The following ZNF705G variants were observed in gnomAD, a reference collection of about 807,000 sequenced individuals.
ZNF705G encodes zinc finger protein 705G, also known as putative zinc finger protein 705G.
ZNF705G carries 23 observed loss-of-function variants against 19.6 expected under a neutral mutation model. The observed-to-expected ratio is 1.17, with a 90% confidence interval of 0.84 to 1.66. The LOEUF (loss-of-function observed/expected upper bound fraction) is 1.66, where lower values mean the gene tolerates loss of function less well. Among genes scored for constraint, ZNF705G ranks in the 40% most tolerant of loss-of-function variants. The probability of loss-of-function intolerance (pLI) is 0.00; values close to 1 mark genes in which losing one functional copy is unlikely to be tolerated. For synonymous variants in ZNF705G, 146 were observed against 117.7 expected, an observed-to-expected ratio of 1.24 and a Z score of -1.56; for missense variants, 457 against 354.4, an observed-to-expected ratio of 1.29 and a Z score of -2.32.
Position 7,371,241 on chromosome 8 carries a change from T to C in ZNF705G, c.-71-8224A>G, listed in dbSNP as rs1261711415. ...AATGACAATTACTATATGATTTCAC[T>C]TGTATTTGAAATCTAAAATCGACAA... On this transcript the variant is annotated intron_variant, in intron 2 of 6. Transcript: ENST00000400156. 2.0e-5 allele frequency among the ~76,000 whole-genome samples: 2 copies of C among 102,490 alleles called. 1 individual carries two copies. The highest frequency in any genetic ancestry group is 4.3e-5 in the Non-Finnish European group (2 of 46,050). 67.2% of individuals were successfully genotyped at this position (102,490 alleles called of 152,430 possible). A position where few individuals can be genotyped will look rare whatever the true frequency, so the allele number is the denominator to read the frequency against.
At chr8:7,368,717 C>T (rs1257540918) in intron 2 of ZNF705G, among the ~76,000 whole-genome samples, 1 of 149,682 alleles carries the variant, frequency 6.7e-6, no homozygotes, top group Non-Finnish European at 1.5e-5. Context: ...GGCCTGGAGG[C>T]CTAGGAGGGA....
intron 2 of ZNF705G, among the ~76,000 whole-genome samples, chr8:7,376,455 C>T (rs1264013966): frequency 9.7e-5 from 11 of 113,046 alleles, no homozygotes; most frequent in Admixed American, 4.9e-4. Flanking sequence ...GGAAAAGGTG[C>T]TCTGTGTTAC....
At position 7,360,332 on chromosome 8, in the gene ZNF705G, C is replaced by G. The variant is rs1434974132; in HGVS notation, c.140G>C (p.Gly47Ala). Residue 47 changes from glycine (G) to alanine (A), a missense_variant and splice_region_variant, in exon 5 of 7, where the codon GGG becomes GCG. Transcript: ENST00000400156. ...LENISHLVSLGYQISKSYIIL... is the reference protein window; with the variant it reads ...LENISHLVSLAYQISKSYIIL... ...TATATAGGATTTGCTTATCTGGTAC[C>G]CTGTTAGTGGAAAGAATACATGTGT... The G allele has an allele frequency of 6.3e-7, 1 of 1,588,522 alleles. No homozygotes were observed. Among genetic ancestry groups the G allele is most frequent in the Admixed American group, 1.7e-5 (1 of 59,870 alleles).
At position 7,357,874 on chromosome 8, in the gene ZNF705G, A is replaced by T; in HGVS notation, c.*102T>A. 1 of 1,545,084 alleles carries T rather than the reference A, an allele frequency of 6.5e-7. No individual in the cohort carries two copies. Among genetic ancestry groups the T allele is most frequent in the Non-Finnish European group, 8.7e-7 (1 of 1,150,884 alleles). On this transcript the variant is annotated 3_prime_UTR_variant, in exon 7 of 7. Transcript: ENST00000400156. The stretch of plus-strand genomic sequence containing the variant: ...TGAAGAAGTTTATAATTTTCTCTCC[A>T]GGGTGAATTTTCTGATGCTCTTTAA...
At chr8:7,363,453 C>T (rs1393550761) in intron 2 of ZNF705G, among the ~76,000 whole-genome samples, 1 of 148,976 alleles carries the variant, frequency 6.7e-6, no homozygotes, top group Non-Finnish European at 1.5e-5. Flanking sequence ...CCTTCTGAAG[C>T]CTTACTCCAC....
Position 7,357,026 on chromosome 8 carries a change from T to G in ZNF705G, c.*950A>C, listed in dbSNP as rs1806303271. ...AGGGGTCCAACTTCTTGACTCACTTTTCTGATGAGAAATCTATCAGGTTTC... is the reference window on the plus strand; with the variant it reads ...AGGGGTCCAACTTCTTGACTCACTTGTCTGATGAGAAATCTATCAGGTTTC... On this transcript the variant is annotated 3_prime_UTR_variant, in exon 7 of 7. Coordinates refer to ENST00000400156, the MANE Select transcript of ZNF705G (RefSeq NM_001164457.3). 1 of 149,938 alleles carries G rather than the reference T, an allele frequency of 6.7e-6. No individual in the cohort carries two copies. The highest frequency in any genetic ancestry group is 2.5e-5 in the African/African-American group (1 of 39,236). The allele number at this position is 149,938 out of a possible 1,614,324, so 9.3% of individuals were successfully genotyped here.
At chr8:7,382,025 G>A (rs903640120) in intron 1 of ZNF705G, among the ~76,000 whole-genome samples, 5 of 152,186 alleles carry the variant, frequency 3.3e-5, no homozygotes, top group African/African-American at 1.2e-4. Context: ...CTACATGTAT[G>A]TGGCTAAGCA....
At chr8:7,381,905 A>T (rs2128848665) in intron 1 of ZNF705G, among the ~76,000 whole-genome samples, 2 of 152,032 alleles carry the variant, frequency 1.3e-5, no homozygotes, top group Non-Finnish European at 2.9e-5. Flanking sequence ...AATTTTAAAA[A>T]AATGAACATA....
chr8:7,368,548 T>A (rs1433877250), intron 2 of ZNF705G, among the ~76,000 whole-genome samples: 1 of 149,746 alleles, frequency 6.7e-6, no homozygotes, highest in Non-Finnish European at 1.5e-5. Flanking sequence ...ATTATAGGGG[T>A]CATGTAGTAC....
intron 3 of ZNF705G, among the ~76,000 whole-genome samples, chr8:7,361,897 C>G (rs1307182533): frequency 2.0e-5 from 3 of 149,584 alleles, no homozygotes; most frequent in Non-Finnish European, 4.4e-5. Context: ...TATATAGTCT[C>G]TCTAATGTTA....
intron 6 of ZNF705G, among the ~76,000 whole-genome samples, 187 bp downstream of exon 6, chr8:7,359,432 T>A (rs1806463775): frequency 6.7e-6 from 1 of 149,688 alleles, no homozygotes; most frequent in Non-Finnish European, 1.5e-5. Context: ...ATTTTAGAGA[T>A]CTCATGTTAT....
chr8:7,362,860 T>C lies in ZNF705G; in HGVS notation c.12+75A>G, dbSNP rs554505431. On this transcript the variant is annotated intron_variant, in intron 3 of 6. Transcript: ENST00000400156. ...AAAAAGAATAAAAATGAAACACCCA[T>C]GCAAATTGGAGAAAACTGCCCATTT... The C allele has an allele frequency of 1.0e-5, 16 of 1,581,606 alleles. 2 individuals are homozygous for C. The African/African-American group carries it at 1.5e-4, about 14-fold the overall frequency.
rs549915192 is a variant in ZNF705G, at chr8:7,370,282, A to T, written c.-71-7265T>A. 2.4e-3 allele frequency among the ~76,000 whole-genome samples: 347 copies of T among 147,546 alleles called. 4 individuals are homozygous for T. Among genetic ancestry groups the T allele is most frequent in the Non-Finnish European group, 4.1e-3 (278 of 67,928 alleles). The stretch of plus-strand genomic sequence containing the variant: ...CGAGACTCCATCTCAAAAAAAAAAA[A>T]ATATGCAAAGATCTGAGTAGACATT... On this transcript the variant is annotated intron_variant, in intron 2 of 6. Coordinates refer to ENST00000400156, the MANE Select transcript of ZNF705G (RefSeq NM_001164457.3).
At position 7,381,026 on chromosome 8, in the gene ZNF705G, C is replaced by CAACAA. The variant is rs1807473032; in HGVS notation, c.-72+425_-72+426insTTGTT. ...GCTAGACTCTGTCTCAAACCACCACCAAAAAAAAAAAAAAAAAAAAAAAAA... is the reference window on the plus strand; with the variant it reads ...GCTAGACTCTGTCTCAAACCACCACCAACAAAAAAAAAAAAAAAAAAAAAAAAAAA... On this transcript the variant is annotated intron_variant, in intron 2 of 6. Transcript: ENST00000400156. 1.6e-4 allele frequency among the ~76,000 whole-genome samples: 2 copies of CAACAA among 12,308 alleles called. 1 individual carries two copies. Among genetic ancestry groups the CAACAA allele is most frequent in the Non-Finnish European group, 2.3e-4 (2 of 8,654 alleles). The allele number at this position is 12,308 out of a possible 152,430, so 8.1% of individuals were successfully genotyped here. A position where few individuals can be genotyped will look rare whatever the true frequency, so the allele number is the denominator to read the frequency against.
chr8:7,370,139 C>T lies in ZNF705G; in HGVS notation c.-71-7122G>A, dbSNP rs549616984. 3.3e-3 allele frequency among the ~76,000 whole-genome samples: 494 copies of T among 147,922 alleles called. 46 individuals carry two copies. The highest frequency in any genetic ancestry group is 0.012 in the African/African-American group (464 of 37,772). Reference sequence around the variant, plus strand: ...ACAAAAAATTAGCTGGGCATGGTGCCGGGTGCCTGTAGTCCCAGCTACTTG... The same window carrying T: ...ACAAAAAATTAGCTGGGCATGGTGCTGGGTGCCTGTAGTCCCAGCTACTTG... On this transcript the variant is annotated intron_variant, in intron 2 of 6. Coordinates refer to ENST00000400156, the MANE Select transcript of ZNF705G (RefSeq NM_001164457.3).
chr8:7,364,170 A>G (rs1202656395), intron 2 of ZNF705G, among the ~76,000 whole-genome samples: 2 of 149,662 alleles, frequency 1.3e-5, no homozygotes, highest in Admixed American at 6.6e-5. Flanking sequence ...ATGTCCATGT[A>G]TACATTCGTA....
chr8:7,375,932 A>C (rs1807228092), intron 2 of ZNF705G, among the ~76,000 whole-genome samples: 1 of 76,480 alleles, frequency 1.3e-5, no homozygotes, highest in Non-Finnish European at 2.4e-5. Context: ...GTGATTTATC[A>C]CATATCACAA....
At chr8:7,384,844 C>T (rs1807659494) in intron 1 of ZNF705G, among the ~76,000 whole-genome samples, 1 of 146,044 alleles carries the variant, frequency 6.8e-6, no homozygotes, top group Non-Finnish European at 1.5e-5. Flanking sequence ...TCTTGAACAC[C>T]TATCACGTAC....
intron 2 of ZNF705G, among the ~76,000 whole-genome samples, chr8:7,367,858 C>T (rs1467664470): frequency 6.7e-6 from 1 of 149,746 alleles, no homozygotes; most frequent in Non-Finnish European, 1.5e-5. Flanking sequence ...AGCTATGCTG[C>T]CAGTAACTGG....
Sources: gnomAD v4.1 joint callset for allele counts (sites outside exome capture counted in the v4.1 genomes callset) on GRCh38, gnomAD v4.1.1 for gene constraint, MANE v1.5 for transcripts, NCBI Gene and HGNC (gene_info 2026-07-23, HGNC 2026-07-21) for gene names.